The following PSD3 variants were observed in gnomAD, a reference collection of about 807,000 sequenced individuals.
PSD3 encodes pleckstrin and Sec7 domain containing 3.
Under a neutral mutation model 105.5 loss-of-function variants are expected in PSD3, and 49 were observed. The observed-to-expected ratio is 0.46, with a 90% CI of 0.37 to 0.59. The LOEUF (loss-of-function observed/expected upper bound fraction) is 0.59. Among genes scored for constraint, PSD3 ranks in the 20% least tolerant of loss-of-function variants. The pLI is 0.00. For synonymous variants in PSD3, 557 were observed against 457.8 expected, an observed-to-expected ratio of 1.22 and a Z score of -2.77; for missense variants, 1,561 against 1,263.8, an observed-to-expected ratio of 1.24 and a Z score of -3.57.
At chr8:18,914,292 T>A (rs889241000) in intron 2 of PSD3, among the ~76,000 whole-genome samples, 1 of 151,462 alleles carries the variant, frequency 6.6e-6, no homozygotes, top group Non-Finnish European at 1.5e-5. Context: ...ACAGCTAACA[T>A]CACACTCTTG....
intron 9 of PSD3, among the ~76,000 whole-genome samples, chr8:18,728,827 GA>G (rs1803519060): frequency 6.6e-6 from 1 of 150,986 alleles, no homozygotes; most frequent in South Asian, 2.1e-4. Context: ...TAAAACTTTT[GA>G]AAAAAAAGCT....
intron 8 of PSD3, 74 bp downstream of exon 8, chr8:18,799,217 AAAAT>A (rs1810467401): frequency 7.7e-7 from 1 of 1,303,566 alleles, no homozygotes; most frequent in African/African-American, 1.5e-5. Context: ...GGGGAGGCAG[AAAAT>A]AAATGTGTTT....
At chr8:18,966,022 C>G (rs999104922) in intron 1 of PSD3, among the ~76,000 whole-genome samples, 1 of 152,190 alleles carries the variant, frequency 6.6e-6, no homozygotes, top group Non-Finnish European at 1.5e-5. Flanking sequence ...ATATTTTAAT[C>G]TCCCATATAA....
intron 9 of PSD3, among the ~76,000 whole-genome samples, chr8:18,677,916 A>G (rs1282017125): frequency 1.3e-5 from 2 of 151,432 alleles, no homozygotes; most frequent in Non-Finnish European, 2.9e-5. Flanking sequence ...AGGCTGAAGC[A>G]GGAGAGTGGT....
intron 15 of PSD3, among the ~76,000 whole-genome samples, chr8:18,540,730 C>T (rs927332017): frequency 5.9e-5 from 9 of 152,168 alleles, no homozygotes; most frequent in Admixed American, 2.6e-4. Context: ...AGACACTGCC[C>T]TGTTAAAACA....
chr8:18,756,830 C>T (rs1806081629), intron 9 of PSD3, among the ~76,000 whole-genome samples: 1 of 148,782 alleles, frequency 6.7e-6, no homozygotes, highest in African/African-American at 2.5e-5. Flanking sequence ...AACTCAGGCA[C>T]AAAGTGAAAT....
intron 14 of PSD3, chr8:18,557,458 A>C (rs953055513): frequency 6.5e-6 from 1 of 154,090 alleles, no homozygotes; most frequent in Non-Finnish European, 1.5e-5. Flanking sequence ...CGTCACATAT[A>C]ATATCTTACG....
chr8:18,809,709 T>C (rs1811529594), intron 4 of PSD3, among the ~76,000 whole-genome samples: 1 of 152,218 alleles, frequency 6.6e-6, no homozygotes, highest in East Asian at 1.9e-4. Context: ...GTTCCATGAT[T>C]GCCAACTGGT....
At chr8:19,035,097 CT>C (rs1827897961) in intron 1 of PSD3, among the ~76,000 whole-genome samples, 1 of 152,156 alleles carries the variant, frequency 6.6e-6, no homozygotes, top group Non-Finnish European at 1.5e-5. Context: ...AAAATCTTTT[CT>C]GAGTAACAAA....
intron 13 of PSD3, among the ~76,000 whole-genome samples, chr8:18,573,262 G>C (rs1474878331): frequency 6.6e-6 from 1 of 152,176 alleles, no homozygotes; most frequent in Non-Finnish European, 1.5e-5. Flanking sequence ...GTGAGGTCAG[G>C]AGTTCAAGAC....
intron 1 of PSD3, among the ~76,000 whole-genome samples, chr8:19,027,229 G>T (rs982516755): frequency 2.6e-5 from 4 of 151,792 alleles, no homozygotes; most frequent in Admixed American, 6.6e-5. Context: ...AAACAAAAAA[G>T]AAAAAGAAAA....
chr8:18,632,864 A>AC, intron 10 of PSD3, 58 bp from the exon 11 acceptor site: 1 of 1,340,692 alleles, frequency 7.5e-7, no homozygotes, highest in Admixed American at 2.8e-5. Flanking sequence ...TTCAAAGAAA[A>AC]AGGTAAGTTA....
chr8:18,630,291 C>T (rs907566417), intron 11 of PSD3, among the ~76,000 whole-genome samples: 7 of 151,938 alleles, frequency 4.6e-5, no homozygotes, highest in African/African-American at 1.7e-4. Flanking sequence ...GGCAGAAAAA[C>T]TTCTAGCCTG....
intron 15 of PSD3, among the ~76,000 whole-genome samples, chr8:18,544,357 G>A (rs1342681701): frequency 6.6e-6 from 1 of 151,818 alleles, no homozygotes; most frequent in African/African-American, 2.4e-5. Flanking sequence ...GAAAGCATCT[G>A]CATTCAAAAC....
intron 9 of PSD3, among the ~76,000 whole-genome samples, chr8:18,757,888 G>A (rs1014768048): frequency 2.0e-5 from 3 of 152,086 alleles, no homozygotes; most frequent in African/African-American, 7.2e-5. Context: ...ACTGTACTCA[G>A]TACTTTAAAA....
intron 4 of PSD3, among the ~76,000 whole-genome samples, chr8:18,834,168 G>C (rs780471365): frequency 3.9e-5 from 6 of 152,156 alleles, no homozygotes; most frequent in Non-Finnish European, 8.8e-5. Context: ...TAAGAATGTA[G>C]AGAACTTGAA....
chr8:18,948,943 T>C (rs919936856), intron 1 of PSD3, among the ~76,000 whole-genome samples: 1 of 151,984 alleles, frequency 6.6e-6, no homozygotes, highest in Non-Finnish European at 1.5e-5. Context: ...GTGGCAACTG[T>C]GTATTTAAGT....
chr8:18,676,984 A>G (rs1283797411), intron 9 of PSD3, among the ~76,000 whole-genome samples: 2 of 152,178 alleles, frequency 1.3e-5, no homozygotes, highest in Admixed American at 6.5e-5. Flanking sequence ...CATCACCTAC[A>G]CTTTACTCAA....
chr8:18,997,698 G>A (rs1174493136), intron 1 of PSD3, among the ~76,000 whole-genome samples: 1 of 152,040 alleles, frequency 6.6e-6, no homozygotes, highest in Non-Finnish European at 1.5e-5. Context: ...TCACACTGGT[G>A]TCCCTGTTCC....
Sources: gnomAD v4.1 joint callset for allele counts (sites outside exome capture counted in the v4.1 genomes callset) on GRCh38, gnomAD v4.1.1 for gene constraint, MANE v1.5 for transcripts, NCBI Gene and HGNC (gene_info 2026-07-23, HGNC 2026-07-21) for gene names.